The following NEMP2 variants were observed in gnomAD, a reference collection of about 807,000 sequenced individuals.
NEMP2 encodes UPF0571 transmembrane protein.
A neutral mutation model predicts 54.2 loss-of-function variants in NEMP2; 53 were observed. The observed-to-expected ratio is 0.98, with a 90% confidence interval of 0.78 to 1.23. The LOEUF (loss-of-function observed/expected upper bound fraction) is 1.23. Among genes scored for constraint, NEMP2 ranks in the 50% most tolerant of loss-of-function variants. The pLI is 0.00. For synonymous variants in NEMP2, 197 were observed against 190.3 expected, an observed-to-expected ratio of 1.04 and a Z score of -0.29; for missense variants, 455 against 511.3, an observed-to-expected ratio of 0.89 and a Z score of 1.06.
chr2:190,480,015 C>T, the NEMP2 span, among the ~76,000 whole-genome samples: 2 of 152,120 alleles, frequency 1.3e-5, no homozygotes, highest in Non-Finnish European at 2.9e-5. Flanking sequence ...ATTTAAAAAT[C>T]AGCTAGGCAT....
At chr2:190,614,956 C>T in the NEMP2 span, among the ~76,000 whole-genome samples, 1 of 152,208 alleles carries the variant, frequency 6.6e-6, no homozygotes, top group Non-Finnish European at 1.5e-5. This position sits in a 1 kb window ranked among gnomAD's most constrained non-coding sequence, Gnocchi z 5.7. Flanking sequence ...TGACATATAA[C>T]ATCATCCATT....
At chr2:190,463,519 AC>A in the NEMP2 span, among the ~76,000 whole-genome samples, 1 of 152,164 alleles carries the variant, frequency 6.6e-6, no homozygotes, top group Non-Finnish European at 1.5e-5. The surrounding 1 kb of genome is among the most constrained non-coding windows in gnomAD (Gnocchi z 4.4). Context: ...GTTTATATAG[AC>A]CATAAAAGGA....
the NEMP2 span, among the ~76,000 whole-genome samples, chr2:190,423,798 T>A: frequency 2.0e-5 from 3 of 152,340 alleles, no homozygotes; most frequent in Middle Eastern, 0.01. The surrounding 1 kb of genome is among the most constrained non-coding windows in gnomAD (Gnocchi z 4.3). Context: ...TTATCAGAAT[T>A]CAGTGTTATC....
Sources: allele counts gnomAD v4.1 joint callset (sites outside exome capture counted in the v4.1 genomes callset), GRCh38; gene constraint gnomAD v4.1.1; non-coding constraint Gnocchi (gnomAD v3.1); transcripts MANE v1.5; gene names NCBI Gene and HGNC (gene_info 2026-07-23, HGNC 2026-07-21).